SLC44A5: variants seen among roughly 807,000 people sequenced by gnomAD.
The protein encoded by SLC44A5 is choline transporter-like protein 5.
In SLC44A5, 57 loss-of-function variants were observed where a neutral mutation model predicts 101.8. That is an observed-to-expected ratio of 0.56 (90% CI 0.45 to 0.70). The LOEUF (loss-of-function observed/expected upper bound fraction) is 0.70. SLC44A5 is among the 30% of genes least tolerant of loss of function. The probability of loss-of-function intolerance (pLI) is 0.00; values close to 1 mark genes in which losing one functional copy is unlikely to be tolerated. For synonymous variants in SLC44A5, 281 were observed against 290.9 expected, an observed-to-expected ratio of 0.97 and a Z score of 0.35; for missense variants, 737 against 853.1, an observed-to-expected ratio of 0.86 and a Z score of 1.70.
intron 2 of SLC44A5, among the ~76,000 whole-genome samples, chr1:75,431,588 G>T (rs1458597366): frequency 6.6e-6 from 1 of 152,168 alleles, no homozygotes; most frequent in Non-Finnish European, 1.5e-5. Flanking sequence ...GATTTCTTCA[G>T]CATTTAATAG....
At chr1:75,611,849 T>C (rs12089821), upstream of SLC44A5, among the ~76,000 whole-genome samples, 11,140 of 151,942 alleles carry the variant, frequency 0.073, 1,265 homozygotes, top group African/African-American at 0.24. Context: ...CTTCTCCTTC[T>C]GTGGACCCCT....
At chr1:75,677,099 TAA>T in the SLC44A5 span, among the ~76,000 whole-genome samples, 3 of 152,038 alleles carry the variant, frequency 2.0e-5, no homozygotes, top group Admixed American at 1.3e-4. Context: ...AAAGAAATGT[TAA>T]AGACAGTTCT....
At chr1:75,286,438 C>G (rs1054356317) in intron 5 of SLC44A5, among the ~76,000 whole-genome samples, 3 of 152,102 alleles carry the variant, frequency 2.0e-5, no homozygotes, top group African/African-American at 7.2e-5. Flanking sequence ...CAATCCAAAT[C>G]TTTTAAGTGG....
chr1:75,690,363 C>T, the SLC44A5 span, among the ~76,000 whole-genome samples: 1 of 152,056 alleles, frequency 6.6e-6, no homozygotes, highest in African/African-American at 2.4e-5. Context: ...GAGAAACTGC[C>T]CCCATGATCC....
intron 6 of SLC44A5, among the ~76,000 whole-genome samples, chr1:75,266,949 T>C (rs1038047329): frequency 2.0e-5 from 3 of 152,084 alleles, no homozygotes; most frequent in Admixed American, 6.6e-5. Flanking sequence ...TGACGGTGCG[T>C]GCGGCTGCTT....
At chr1:75,393,370 A>G (rs1043753838) in intron 3 of SLC44A5, among the ~76,000 whole-genome samples, 1 of 152,208 alleles carries the variant, frequency 6.6e-6, no homozygotes, top group African/African-American at 2.4e-5. Flanking sequence ...ACATATGCCC[A>G]TACATATGTA....
chr1:75,480,507 T>C (rs534248018), intron 2 of SLC44A5, among the ~76,000 whole-genome samples: 2 of 152,290 alleles, frequency 1.3e-5, no homozygotes, highest in South Asian at 2.1e-4. Flanking sequence ...GAAAACCCCA[T>C]TGTCTCAGCC....
At chr1:75,634,049 C>A in the SLC44A5 span, among the ~76,000 whole-genome samples, 1 of 152,090 alleles carries the variant, frequency 6.6e-6, no homozygotes, top group East Asian at 1.9e-4. Flanking sequence ...ATTGAACCAG[C>A]CTTGCATCCC....
chr1:75,258,756 T>C (rs1650238212), intron 6 of SLC44A5, among the ~76,000 whole-genome samples: 1 of 152,160 alleles, frequency 6.6e-6, no homozygotes, highest in South Asian at 2.1e-4. Context: ...TAGGCGCCAA[T>C]AGACACCTCA....
chr1:75,566,485 G>T (rs931815612), intron 1 of SLC44A5, among the ~76,000 whole-genome samples: 1 of 152,170 alleles, frequency 6.6e-6, no homozygotes, highest in African/African-American at 2.4e-5. Context: ...TTCAGTACCA[G>T]TATGAAATAA....
chr1:75,498,347 A>G (rs1668780358), intron 2 of SLC44A5, among the ~76,000 whole-genome samples: 1 of 152,276 alleles, frequency 6.6e-6, no homozygotes, highest in East Asian at 1.9e-4. Flanking sequence ...AGGAACCAAC[A>G]ATAAACCTTC....
At chr1:75,206,646 C>A in intron 23 of SLC44A5, 1 of 1,613,024 alleles carries the variant, frequency 6.2e-7, no homozygotes, top group East Asian at 2.2e-5. Flanking sequence ...GCTTCTTGAT[C>A]AGAATTCCAT....
At chr1:75,646,777 C>G in the SLC44A5 span, among the ~76,000 whole-genome samples, 1 of 152,164 alleles carries the variant, frequency 6.6e-6, no homozygotes, top group African/African-American at 2.4e-5. Context: ...AAGAGACTGG[C>G]TGCATTTTGC....
intron 2 of SLC44A5, among the ~76,000 whole-genome samples, chr1:75,418,676 C>A (rs1663813442): frequency 6.6e-6 from 1 of 152,082 alleles, no homozygotes; most frequent in South Asian, 2.1e-4. Context: ...AAAGGCAGGA[C>A]CAGATCATGC....
intron 1 of SLC44A5, among the ~76,000 whole-genome samples, chr1:75,587,597 A>G (rs1674085170): frequency 6.6e-6 from 1 of 152,190 alleles, no homozygotes; most frequent in Non-Finnish European, 1.5e-5. Context: ...TTGTTTTGGT[A>G]ATAAATTTTT....
intron 2 of SLC44A5, among the ~76,000 whole-genome samples, chr1:75,481,530 T>C (rs553481955): frequency 8.6e-5 from 13 of 151,526 alleles, no homozygotes; most frequent in Admixed American, 8.5e-4. Flanking sequence ...ATATCCAGAA[T>C]CTACAATGAG....
the SLC44A5 span, among the ~76,000 whole-genome samples, chr1:75,654,785 T>G: frequency 6.6e-6 from 1 of 152,110 alleles, no homozygotes; most frequent in Non-Finnish European, 1.5e-5. Flanking sequence ...CCCAAAACTT[T>G]TCCCATCAAG....
chr1:75,472,367 AAAGTTAAT>A (rs1667160169), intron 2 of SLC44A5, among the ~76,000 whole-genome samples: 1 of 152,172 alleles, frequency 6.6e-6, no homozygotes, highest in Non-Finnish European at 1.5e-5. Flanking sequence ...CCCATTCTGC[AAAGTTAAT>A]AACATCTTTG....
chr1:75,519,188 C>T (rs1165574649), intron 2 of SLC44A5, among the ~76,000 whole-genome samples: 1 of 152,022 alleles, frequency 6.6e-6, no homozygotes, highest in African/African-American at 2.4e-5. Context: ...AAGTTTCGCA[C>T]AAAGTGTGAG....
Sources: gnomAD v4.1 joint callset for allele counts (sites outside exome capture counted in the v4.1 genomes callset) on GRCh38, gnomAD v4.1.1 for gene constraint, MANE v1.5 for transcripts, NCBI Gene and HGNC (gene_info 2026-07-23, HGNC 2026-07-21) for gene names.